Variants in HEATR4 observed in about 807,000 individuals in gnomAD.
HEATR4 encodes HEAT repeat-containing protein 4.
In HEATR4, 95 loss-of-function variants were observed where a neutral mutation model predicts 108.8. The ratio of observed to expected loss-of-function variants is 0.87; its 90% CI spans 0.74 to 1.04. The LOEUF (loss-of-function observed/expected upper bound fraction) is 1.04, where lower values mean the gene tolerates loss of function less well. Ranked by LOEUF, HEATR4 falls within the 50% of genes least tolerant of loss-of-function variation. The pLI is 0.00. For missense variants in HEATR4, 1,152 were observed against 1,253.8 expected (o/e 0.92, Z 1.23); for synonymous variants, 443 against 459.4 (o/e 0.96, Z 0.46).
the HEATR4 span, among the ~76,000 whole-genome samples, chr14:73,593,040 T>C: frequency 0.02 from 3,062 of 152,310 alleles, 110 homozygotes; most frequent in African/African-American, 0.07. Context: ...TACAGATTTC[T>C]ACAGGCATCA....
chr14:73,601,617 T>C, the HEATR4 span, among the ~76,000 whole-genome samples: 2 of 152,184 alleles, frequency 1.3e-5, no homozygotes, highest in African/African-American at 4.8e-5. Flanking sequence ...TGTATTTAAA[T>C]TGGATCATTT....
At chr14:73,627,164 C>G in the HEATR4 span, among the ~76,000 whole-genome samples, 1 of 151,612 alleles carries the variant, frequency 6.6e-6, no homozygotes, top group Non-Finnish European at 1.5e-5. Context: ...TCCCAGTCAT[C>G]TAGGACTTTC....
At chr14:73,569,421 G>A in the HEATR4 span, 1 of 1,613,842 alleles carries the variant, frequency 6.2e-7, no homozygotes, top group African/African-American at 1.3e-5. Context: ...TAGGGTTCCT[G>A]CTCGGATGGC....
the HEATR4 span, chr14:73,569,533 C>T: frequency 2.5e-6 from 4 of 1,606,292 alleles, no homozygotes; most frequent in Middle Eastern, 2.2e-4. Context: ...ACGCTGCGCG[C>T]GTCCCTGCGC....
the HEATR4 span, among the ~76,000 whole-genome samples, chr14:73,609,658 T>A: frequency 6.6e-6 from 1 of 152,158 alleles, no homozygotes; most frequent in Non-Finnish European, 1.5e-5. Flanking sequence ...ATTTTATTTT[T>A]GAGACAGAAT....
chr14:73,612,847 G>A, the HEATR4 span: 3 of 1,420,394 alleles, frequency 2.1e-6, no homozygotes, highest in Non-Finnish European at 2.8e-6. Flanking sequence ...CCTTGGTGCG[G>A]CTGGTGAAGC....
At chr14:73,619,352 A>G in the HEATR4 span, 69 of 1,614,082 alleles carry the variant, frequency 4.3e-5, no homozygotes, top group Non-Finnish European at 5.4e-5. Context: ...TGTGTAGCCA[A>G]CACAGTAGCT....
intron 13 of HEATR4, 93 bp downstream of exon 13, chr14:73,498,978 T>C (rs926198864): frequency 2.9e-6 from 3 of 1,047,786 alleles, no homozygotes; most frequent in African/African-American, 1.6e-5. Flanking sequence ...TCTCCTGCAC[T>C]TCACCCCATT....
At chr14:73,569,012 A>T in the HEATR4 span, 3 of 560,682 alleles carry the variant, frequency 5.4e-6, no homozygotes. Context: ...TGGTTCTTTA[A>T]GAACCAGCCC....
chr14:73,574,799 G>C, the HEATR4 span: 1 of 1,573,812 alleles, frequency 6.4e-7, no homozygotes, highest in Non-Finnish European at 8.7e-7. Context: ...GTAAATGGTA[G>C]AACCTAGATT....
the HEATR4 span, chr14:73,612,777 G>A: frequency 7.3e-7 from 1 of 1,370,990 alleles, no homozygotes; most frequent in Non-Finnish European, 9.4e-7. Context: ...CCCGCGCTGG[G>A]AGGCAGCTTC....
chr14:73,592,928 G>A, the HEATR4 span, among the ~76,000 whole-genome samples: 1 of 152,228 alleles, frequency 6.6e-6, no homozygotes, highest in Non-Finnish European at 1.5e-5. Context: ...CTATCAGTTA[G>A]TCTCTATAAT....
intron 7 of HEATR4, 78 bp from the exon 8 acceptor site, chr14:73,509,551 T>G (rs1285815242): frequency 6.7e-7 from 1 of 1,489,816 alleles, no homozygotes. Context: ...TACAGCCATG[T>G]GGTGGCCAAC....
At chr14:73,494,460 T>C (rs1885977680) in intron 16 of HEATR4, among the ~76,000 whole-genome samples, 1 of 152,250 alleles carries the variant, frequency 6.6e-6, no homozygotes, top group African/African-American at 2.4e-5. Context: ...AAATTCTTTT[T>C]AAAAAAGTTA....
chr14:73,544,601 T>G lies in HEATR4; in HGVS notation c.-152+14150A>C, dbSNP rs144923594. ...AAAAGCTGATAAAACATTATTGAGA[T>G]GAATTACATAAGCGATTTTAACAAT... On this transcript the variant is annotated intron_variant, in intron 1 of 17. Coordinates refer to ENST00000553558, the MANE Select transcript of HEATR4 (RefSeq NM_001220484.1). Among the ~76,000 whole-genome samples, 920 of 115,894 alleles carry G rather than the reference T, an allele frequency of 7.9e-3. 271 individuals carry two copies. The highest frequency in any genetic ancestry group is 0.024 in the South Asian group (88 of 3,692). The allele number at this position is 115,894 out of a possible 152,430, so 76.0% of individuals were successfully genotyped here.
chr14:73,592,022 T>G, the HEATR4 span: 11 of 1,442,310 alleles, frequency 7.6e-6, no homozygotes, highest in Non-Finnish European at 1.0e-5. Context: ...CGGTGCGCAT[T>G]GCCGTGCGCG....
intron 1 of HEATR4, among the ~76,000 whole-genome samples, chr14:73,547,966 G>A (rs1351953052): frequency 8.7e-6 from 1 of 114,634 alleles, no homozygotes; most frequent in African/African-American, 2.8e-5. Flanking sequence ...GACAGGCTCT[G>A]GCCAGGCTGG....
chr14:73,526,314 A>G (rs35417585), intron 2 of HEATR4, among the ~76,000 whole-genome samples: 27,830 of 152,224 alleles, frequency 0.18, 3,242 homozygotes, highest in South Asian at 0.25. Context: ...TTCTGCCACC[A>G]GCTGACCAAA....
chr14:73,590,833 A>G, the HEATR4 span, among the ~76,000 whole-genome samples: 1 of 152,068 alleles, frequency 6.6e-6, no homozygotes, highest in Non-Finnish European at 1.5e-5. Context: ...ACCTCCCAGT[A>G]AGCTGAGGGA....
Sources: gnomAD v4.1 joint callset for allele counts (sites outside exome capture counted in the v4.1 genomes callset) on GRCh38, gnomAD v4.1.1 for gene constraint, MANE v1.5 for transcripts, NCBI Gene and HGNC (gene_info 2026-07-23, HGNC 2026-07-21) for gene names.